Variants in CACNG5 observed in about 807,000 individuals in gnomAD.
The protein encoded by CACNG5 is voltage-dependent calcium channel gamma-5 subunit.
A neutral mutation model predicts 24.8 loss-of-function variants in CACNG5; 18 were observed. The ratio of observed to expected loss-of-function variants is 0.73; its 90% CI spans 0.50 to 1.08. The LOEUF (loss-of-function observed/expected upper bound fraction) is 1.08, where lower values mean the gene tolerates loss of function less well. Ranked by LOEUF, CACNG5 falls within the 50% of genes least tolerant of loss-of-function variation. The probability of loss-of-function intolerance (pLI) is 0.00; values close to 1 mark genes in which losing one functional copy is unlikely to be tolerated. For missense variants in CACNG5, 349 were observed against 367.9 expected (o/e 0.95, Z 0.42); for synonymous variants, 157 against 149.1 (o/e 1.05, Z -0.39).
At chr17:66,837,616 G>A (rs1371566300) in intron 1 of CACNG5, among the ~76,000 whole-genome samples, 1 of 152,198 alleles carries the variant, frequency 6.6e-6, no homozygotes, top group Non-Finnish European at 1.5e-5. Flanking sequence ...GCCATCTGAT[G>A]CTTAATATCC....
In CACNG5 at chr17:66,836,697, A is replaced by AC. The variant is rs1291829494; in HGVS notation, c.-104+1452dup. 4.6e-5 allele frequency among the ~76,000 whole-genome samples: 7 copies of AC among 151,866 alleles called. No individual in the cohort carries two copies. In the South Asian group the frequency reaches 1.0e-3, roughly 23 times the overall value. The stretch of plus-strand genomic sequence containing the variant: ...CTGTGCTTGTGCCTGAGACCTCCCC[A>AC]CCCCCAAACCTCCTCTCTCTTGTCA... On this transcript the variant is annotated intron_variant, in intron 1 of 5. Transcript: ENST00000533854.
chr17:66,885,136 A>C lies in CACNG5; in HGVS notation c.724A>C (p.Ser242Arg). Reference protein sequence around the residue: ...LHPDAWVRGRSPSDISSEASL... With the variant: ...LHPDAWVRGRRPSDISSEASL... ...CCCAGACGCCTGGGTCAGGGGCCGC[A>C]GCCCCTCCGACATCTCCAGCGAGGC... is the stretch of plus-strand genomic sequence containing the variant. The change falls in exon 6 of 6, where the codon AGC becomes CGC. Residue 242 changes from serine (S) to arginine (R), a missense_variant. Transcript: ENST00000533854. 6.2e-7 allele frequency: 1 copy of C among 1,613,938 alleles called. No individual in the cohort carries two copies. Among genetic ancestry groups the C allele is most frequent in the Non-Finnish European group, 8.5e-7 (1 of 1,180,000 alleles).
chr17:66,838,034 T>C (rs1976506892), intron 1 of CACNG5, among the ~76,000 whole-genome samples: 1 of 151,924 alleles, frequency 6.6e-6, no homozygotes. Context: ...ATCGTTTCTT[T>C]TCATGCTGCT....
intron 2 of CACNG5, among the ~76,000 whole-genome samples, chr17:66,878,642 C>A (rs538107511): frequency 6.6e-6 from 1 of 152,184 alleles, no homozygotes; most frequent in African/African-American, 2.4e-5. Flanking sequence ...CCATTGTCAG[C>A]CCCATCTGGC....
intron 1 of CACNG5, among the ~76,000 whole-genome samples, chr17:66,876,246 C>T (rs1298522849): frequency 6.6e-6 from 1 of 152,224 alleles, no homozygotes; most frequent in Non-Finnish European, 1.5e-5. Context: ...ATTGTCCAGG[C>T]CCCACTTGAG....
chr17:66,880,433 A>G, intron 3 of CACNG5, 124 bp from the exon 4 acceptor site: 1 of 1,149,186 alleles, frequency 8.7e-7, no homozygotes, highest in Non-Finnish European at 1.2e-6. Context: ...AGTCTGGGGA[A>G]CCCCTGCAGG....
At chr17:66,854,979 GTGAT>G (rs1976754209) in intron 1 of CACNG5, among the ~76,000 whole-genome samples, 1 of 152,210 alleles carries the variant, frequency 6.6e-6, no homozygotes, top group Admixed American at 6.5e-5. Flanking sequence ...GATTCTCACT[GTGAT>G]TGATAAAATT....
intron 5 of CACNG5, 51 bp downstream of exon 5, chr17:66,884,712 A>G: frequency 1.9e-6 from 3 of 1,614,110 alleles, no homozygotes; most frequent in Non-Finnish European, 2.5e-6. Context: ...GCACTGCCCC[A>G]CTGAGCCGGG....
At position 66,886,883 on chromosome 17, in the gene CACNG5, C is replaced by A. The variant is rs551246167; in HGVS notation, c.*1643C>A. ...GAGGCCTCTGTCCTTGGCTTGCAGA[C>A]GGCTACCTTCCCGCTGTGTCCTCAT... On this transcript the variant is annotated 3_prime_UTR_variant, in exon 6 of 6. Transcript: ENST00000533854. Among the ~76,000 whole-genome samples the A allele has an allele frequency of 1.4e-4, 21 of 152,176 alleles. No individual in the cohort carries two copies. The highest frequency in any genetic ancestry group is 2.2e-4 in the Non-Finnish European group (15 of 68,042).
At chr17:66,857,002 C>T (rs1299224676) in intron 1 of CACNG5, among the ~76,000 whole-genome samples, 1 of 148,530 alleles carries the variant, frequency 6.7e-6, no homozygotes, top group East Asian at 2.0e-4. Flanking sequence ...AAATTATCAT[C>T]AAAAACAAAT....
chr17:66,855,272 G>T (rs1168259043), intron 1 of CACNG5, among the ~76,000 whole-genome samples: 1 of 152,102 alleles, frequency 6.6e-6, no homozygotes, highest in Non-Finnish European at 1.5e-5. Flanking sequence ...AACAGGCAGC[G>T]ATTCTCTGAG....
At chr17:66,874,982 C>T (rs535581236) in intron 1 of CACNG5, among the ~76,000 whole-genome samples, 40 of 152,256 alleles carry the variant, frequency 2.6e-4, no homozygotes, top group African/African-American at 9.6e-4. Flanking sequence ...ATCAGTACAA[C>T]GTCACTAGCA....
Position 66,888,591 on chromosome 17 carries a change from A to T in CACNG5, c.*3351A>T, listed in dbSNP as rs1977297381. On this transcript the variant is annotated 3_prime_UTR_variant, in exon 6 of 6. Transcript: ENST00000533854. Reference sequence around the variant, plus strand: ...AGAGTTAAAGAAAGAGGAAAGAACCATGAAAAGTGGCTCAATAGTCAAAGA... The same window carrying T: ...AGAGTTAAAGAAAGAGGAAAGAACCTTGAAAAGTGGCTCAATAGTCAAAGA... Among the ~76,000 whole-genome samples, 1 of 151,510 alleles carries T rather than the reference A, an allele frequency of 6.6e-6. No individual in the cohort carries two copies. The highest frequency in any genetic ancestry group is 2.4e-5 in the African/African-American group (1 of 41,292).
chr17:66,866,140 T>A (rs1014943255), intron 1 of CACNG5, among the ~76,000 whole-genome samples: 2 of 152,170 alleles, frequency 1.3e-5, no homozygotes, highest in Non-Finnish European at 2.9e-5. Context: ...AGTAGAGAAA[T>A]GGCTACATCA....
intron 1 of CACNG5, among the ~76,000 whole-genome samples, chr17:66,840,579 T>C (rs1976551845): frequency 6.6e-6 from 1 of 152,138 alleles, no homozygotes; most frequent in Admixed American, 6.5e-5. Flanking sequence ...ATCTGGCAGG[T>C]TCACATTATT....
At chr17:66,861,617 G>T (rs550527717) in intron 1 of CACNG5, among the ~76,000 whole-genome samples, 120 of 152,324 alleles carry the variant, frequency 7.9e-4, no homozygotes, top group African/African-American at 2.9e-3. Context: ...TCTGAAGCCT[G>T]GGTCTGATAG....
At chr17:66,854,653 C>T (rs1226455186) in intron 1 of CACNG5, among the ~76,000 whole-genome samples, 2 of 151,914 alleles carry the variant, frequency 1.3e-5, no homozygotes, top group African/African-American at 2.4e-5. Flanking sequence ...AAGATCGCGC[C>T]ACTGCACTCC....
Position 66,894,481 on chromosome 17 carries a change from C to T in CACNG5, c.*9241C>T, listed in dbSNP as rs146771139. On this transcript the variant is annotated 3_prime_UTR_variant, in exon 6 of 6. Coordinates refer to ENST00000533854, the MANE Select transcript of CACNG5 (RefSeq NM_145811.3). The stretch of plus-strand genomic sequence containing the variant: ...CAGCTTCTGTCCTGGGCTGTTTCTC[C>T]GGTGTGATTTCATTTTATTTGCTTT... Among the ~76,000 whole-genome samples the T allele has an allele frequency of 1.2e-4, 19 of 152,130 alleles. No homozygotes were observed. The East Asian group carries it at 1.9e-3, about 15-fold the overall frequency.
At chr17:66,868,863 CA>C (rs1478603098) in intron 1 of CACNG5, among the ~76,000 whole-genome samples, 1 of 152,038 alleles carries the variant, frequency 6.6e-6, no homozygotes, top group Non-Finnish European at 1.5e-5. Context: ...CAAATCTCTC[CA>C]ATTTGTTGAT....
Sources: allele counts gnomAD v4.1 joint callset (sites outside exome capture counted in the v4.1 genomes callset), GRCh38; gene constraint gnomAD v4.1.1; transcripts MANE v1.5; gene names NCBI Gene and HGNC (gene_info 2026-07-23, HGNC 2026-07-21).